The following L3MBTL1 variants were observed in gnomAD, a reference collection of about 807,000 sequenced individuals.
L3MBTL1 encodes lethal(3)malignant brain tumor-like protein 1.
In L3MBTL1, 75 loss-of-function variants were observed where a neutral mutation model predicts 105.3. The observed-to-expected ratio is 0.71, with a 90% CI of 0.59 to 0.86. L3MBTL1 has a LOEUF of 0.86. L3MBTL1 is among the 40% of genes least tolerant of loss of function. The pLI, the probability that L3MBTL1 is intolerant of heterozygous loss-of-function variation, is 0.00. For missense variants in L3MBTL1, 1,069 were observed against 1,126.4 expected (o/e 0.95, Z 0.73); for synonymous variants, 452 against 436.2 (o/e 1.04, Z -0.45).
chr20:43,514,363 A>C, intron 3 of L3MBTL1: 2 of 1,299,922 alleles, frequency 1.5e-6, no homozygotes, highest in Non-Finnish European at 2.0e-6. Flanking sequence ...GGCGTGGCTT[A>C]GAGTGGGGTA....
intron 7 of L3MBTL1, among the ~76,000 whole-genome samples, chr20:43,521,537 G>A (rs532854316): frequency 6.6e-6 from 1 of 152,278 alleles, no homozygotes; most frequent in Non-Finnish European, 1.5e-5. Flanking sequence ...AGATGGAATG[G>A]GTGGTTGGGA....
chr20:43,513,442 C>T (rs2018192209), intron 1 of L3MBTL1, 34 bp from the exon 2 acceptor site: 3 of 1,528,678 alleles, frequency 2.0e-6, no homozygotes. Flanking sequence ...AAGGTCCCCA[C>T]CTGATCACCC....
downstream of L3MBTL1, among the ~76,000 whole-genome samples, chr20:43,545,467 G>C (rs888879852): frequency 6.6e-6 from 1 of 152,088 alleles, no homozygotes; most frequent in Admixed American, 6.5e-5. Context: ...TCAGCAAAGA[G>C]AGCTCCTCAG....
intron 7 of L3MBTL1, among the ~76,000 whole-genome samples, chr20:43,524,947 T>C (rs2018946856): frequency 6.6e-6 from 1 of 152,014 alleles, no homozygotes; most frequent in Non-Finnish European, 1.5e-5. Context: ...ATAAACACGT[T>C]TTTTCATTTG....
intron 7 of L3MBTL1, among the ~76,000 whole-genome samples, chr20:43,527,466 G>T (rs1032328717): frequency 1.3e-5 from 2 of 152,170 alleles, no homozygotes; most frequent in Non-Finnish European, 1.5e-5. Context: ...GGTGCTGCAG[G>T]AGTATTCATC....
chr20:43,527,523 C>T (rs1033945187), intron 7 of L3MBTL1, among the ~76,000 whole-genome samples: 1 of 146,604 alleles, frequency 6.8e-6, no homozygotes. Context: ...AGGACCTGGG[C>T]TGTAGGTCCT....
intron 17 of L3MBTL1, 74 bp downstream of exon 17, chr20:43,536,010 C>A: frequency 6.3e-7 from 1 of 1,589,686 alleles, no homozygotes; most frequent in Non-Finnish European, 8.6e-7. Context: ...TGGGGTCCAC[C>A]AAAACACACT....
chr20:43,519,551 G>A (rs570036646), intron 7 of L3MBTL1, among the ~76,000 whole-genome samples: 9 of 152,304 alleles, frequency 5.9e-5, no homozygotes, highest in East Asian at 1.9e-4. Context: ...CAGGAGAATC[G>A]CTTGAACCTG....
intron 7 of L3MBTL1, among the ~76,000 whole-genome samples, chr20:43,520,858 A>T (rs752056870): frequency 6.6e-6 from 1 of 152,258 alleles, no homozygotes; most frequent in Non-Finnish European, 1.5e-5. Flanking sequence ...TTAAAGCAGC[A>T]CTTACTTAAC....
Position 43,513,610 on chromosome 20 carries a change from A to G in L3MBTL1, c.107A>G (p.His36Arg). 1 of 1,550,564 alleles carries G rather than the reference A, an allele frequency of 6.4e-7. No homozygotes were observed. The highest frequency in any genetic ancestry group is 1.4e-5 in the African/African-American group (1 of 73,138). Residue 36 changes from histidine to arginine, a missense_variant, in exon 2 of 22, where the codon CAC becomes CGC. Transcript: ENST00000418998. ...GGAGACAGCCCCGGTTCTGGTCCTC[A>G]CCTGCCCGCAACTGCCTTCATCATT... Reference protein sequence around the residue: ...VAGDSPGSGPHLPATAFIIPA... With the variant: ...VAGDSPGSGPRLPATAFIIPA...
At chr20:43,512,989 C>A (rs558737908) in intron 1 of L3MBTL1, among the ~76,000 whole-genome samples, 3 of 152,252 alleles carry the variant, frequency 2.0e-5, no homozygotes, top group African/African-American at 2.4e-5. Context: ...AGGAAAGATC[C>A]CACCTCCCAG....
chr20:43,530,778 A>T lies in L3MBTL1; in HGVS notation c.1193-20A>T, dbSNP rs777241388. 3.7e-6 allele frequency: 6 copies of T among 1,611,284 alleles called. No homozygotes were observed. The highest frequency in any genetic ancestry group is 5.1e-6 in the Non-Finnish European group (6 of 1,177,824). On this transcript the variant is annotated intron_variant, in intron 10 of 21. Transcript: ENST00000418998. ...CCAGCCTCTGCACGGCGCTCTGTTC[A>T]TGCCCCTCGAGGGGCCTAGGTTACA...
In L3MBTL1 at chr20:43,519,150, A is replaced by G. The variant is rs573328350; in HGVS notation, c.862+2973A>G. Among the ~76,000 whole-genome samples, 175 of 152,006 alleles carry G rather than the reference A, an allele frequency of 1.2e-3. 1 individual carries two copies. Among genetic ancestry groups the G allele is most frequent in the African/African-American group, 4.0e-3 (164 of 41,468 alleles). On this transcript the variant is annotated intron_variant, in intron 7 of 21. Coordinates refer to ENST00000418998, the MANE Select transcript of L3MBTL1 (RefSeq NM_001377303.1). ...TCAGGAATTCGAGACCAGCCCAGGC[A>G]ACATGGTGAAACCCTGTCTCTGCAA...
downstream of L3MBTL1, among the ~76,000 whole-genome samples, chr20:43,542,364 A>C (rs2019950447): frequency 6.6e-6 from 1 of 152,034 alleles, no homozygotes; most frequent in Non-Finnish European, 1.5e-5. Flanking sequence ...TGTGTTGGTG[A>C]TCTTCTCTTC....
chr20:43,522,673 T>C (rs981717320), intron 7 of L3MBTL1, among the ~76,000 whole-genome samples: 27 of 151,448 alleles, frequency 1.8e-4, no homozygotes, highest in African/African-American at 5.6e-4. Context: ...GGTTCCGCCA[T>C]GTTGCCCAGG....
At chr20:43,542,759 T>G (rs2019964895), downstream of L3MBTL1, among the ~76,000 whole-genome samples, 1 of 152,178 alleles carries the variant, frequency 6.6e-6, no homozygotes, top group Non-Finnish European at 1.5e-5. Context: ...TTGCCTGTTC[T>G]GGAACTCATA....
chr20:43,542,619 AAAAAAAAAAAAG>A (rs1484748139), downstream of L3MBTL1, among the ~76,000 whole-genome samples: 1 of 151,380 alleles, frequency 6.6e-6, no homozygotes, highest in Non-Finnish European at 1.5e-5. Context: ...AACAAAAAAA[AAAAAAAAAAAAG>A]AAAAGAAAAA....
chr20:43,514,491 G>C (rs1033066502), intron 3 of L3MBTL1, 144 bp from the exon 4 acceptor site: 1 of 1,536,478 alleles, frequency 6.5e-7, no homozygotes, highest in East Asian at 2.5e-5. Flanking sequence ...GGTGTAGCTT[G>C]GAGTGAGGCC....
At chr20:43,513,811 C>A in intron 2 of L3MBTL1, 27 bp from the exon 3 acceptor site, 2 of 1,544,336 alleles carry the variant, frequency 1.3e-6, no homozygotes, top group South Asian at 1.2e-5. Context: ...TCACCTGTGT[C>A]GTGTCTATTT....
Sources: gnomAD v4.1 joint callset for allele counts (sites outside exome capture counted in the v4.1 genomes callset) on GRCh38, gnomAD v4.1.1 for gene constraint, MANE v1.5 for transcripts, NCBI Gene and HGNC (gene_info 2026-07-23, HGNC 2026-07-21) for gene names.